Variants in PARP4 observed in about 807,000 individuals in gnomAD.
PARP4 encodes poly(ADP-ribose) polymerase family member 4.
Under a neutral mutation model 187.7 loss-of-function variants are expected in PARP4, and 120 were observed. That is an observed-to-expected ratio of 0.64 (90% CI 0.55 to 0.74). The LOEUF is 0.74. Among genes scored for constraint, PARP4 ranks in the 30% least tolerant of loss-of-function variants. The pLI is 0.00. For synonymous variants in PARP4, 654 were observed against 740.9 expected, an observed-to-expected ratio of 0.88 and a Z score of 1.90; for missense variants, 1,836 against 2,070.5, an observed-to-expected ratio of 0.89 and a Z score of 2.20.
At position 24,459,088 on chromosome 13, in the gene PARP4, C is replaced by T. The variant is rs748770888; in HGVS notation, c.2380G>A (p.Val794Met). 8.7e-6 allele frequency: 14 copies of T among 1,611,176 alleles called. No homozygotes were observed. Among genetic ancestry groups the T allele is most frequent in the South Asian group, 3.3e-5 (3 of 90,820 alleles). ...SLTMSIEMPY[V>M]IEFIFSDTHE... Reference sequence around the variant, plus strand: ...GTATCACTGAAAATGAATTCAATCACATACGGCATCTCAATAGACATAGTC... The same window carrying T: ...GTATCACTGAAAATGAATTCAATCATATACGGCATCTCAATAGACATAGTC... The change falls in exon 20 of 34, where the codon GTG becomes ATG. Residue 794 changes from valine to methionine, a missense_variant. Val to Met is a conservative substitution (Grantham distance 21). This residue lies in a region of PARP4 where 1,147 missense variants were observed against 1,214.2 expected (regional missense o/e 0.94). Transcript: ENST00000381989.
At chr13:24,452,126 T>G (rs1157682844) in intron 24 of PARP4, 3 of 331,982 alleles carry the variant, frequency 9.0e-6, no homozygotes, top group African/African-American at 6.4e-5. Context: ...ATGAGCTCAT[T>G]TATTCCTCAG....
At position 24,500,056 on chromosome 13, in the gene PARP4, TAA is replaced by T. The variant is rs370389346; in HGVS notation, c.401+258_401+259del. Among the ~76,000 whole-genome samples the T allele has an allele frequency of 1.3e-3, 195 of 148,522 alleles. 3 individuals are homozygous for T. The East Asian group carries it at 0.021, about 16-fold the overall frequency. On this transcript the variant is annotated intron_variant, in intron 4 of 33. Coordinates refer to ENST00000381989, the MANE Select transcript of PARP4 (RefSeq NM_006437.4). ...AAAATAGGTTTTTTTTTAAAAGAAT[TAA>T]AAAAAAAACCCACTGGTTTTCTTTT...
chr13:24,429,778 C>A (rs4769354), intron 32 of PARP4, among the ~76,000 whole-genome samples: 142,672 of 152,256 alleles, frequency 0.94, 66,985 homozygotes, highest in East Asian at 0.99. Context: ...CAAGGATCTG[C>A]GGGGTATCTG....
Position 24,463,931 on chromosome 13 carries a change from T to A in PARP4, c.2134-3795A>T, listed in dbSNP as rs1387869912. Among the ~76,000 whole-genome samples, 4 of 152,162 alleles carry A rather than the reference T, an allele frequency of 2.6e-5. No individual in the cohort carries two copies. The South Asian group carries it at 8.3e-4, about 32-fold the overall frequency. ...TCAGCCCAAAAGCCTCTTAAGCTGA[T>A]AAGCAACTTCAGCAAAATCTCAGGA... On this transcript the variant is annotated intron_variant, in intron 17 of 33. Transcript: ENST00000381989.
At chr13:24,461,657 G>A (rs996099372) in intron 17 of PARP4, among the ~76,000 whole-genome samples, 21 of 152,182 alleles carry the variant, frequency 1.4e-4, no homozygotes, top group African/African-American at 5.1e-4. Flanking sequence ...TGGAAAGGCT[G>A]AGCAGGGCAG....
intron 9 of PARP4, 50 bp from the exon 10 acceptor site, chr13:24,490,878 TAA>T: frequency 7.0e-7 from 1 of 1,420,994 alleles, no homozygotes; most frequent in Non-Finnish European, 9.8e-7. Context: ...ATATCAAAAT[TAA>T]TATTTATATC....
intron 25 of PARP4, among the ~76,000 whole-genome samples, chr13:24,447,429 T>C (rs1163106622): frequency 6.6e-6 from 1 of 152,240 alleles, no homozygotes; most frequent in Non-Finnish European, 1.5e-5. Context: ...GGCACAATCT[T>C]GGCTGACTGC....
At position 24,449,835 on chromosome 13, in the gene PARP4, G is replaced by A. The variant is rs1338327968; in HGVS notation, c.3015-18C>T. 7 of 1,469,312 alleles carry A rather than the reference G, an allele frequency of 4.8e-6. No individual in the cohort carries two copies. The highest frequency in any genetic ancestry group is 6.6e-6 in the Non-Finnish European group (7 of 1,054,816). 91.0% of individuals were successfully genotyped at this position (1,469,312 alleles called of 1,614,324 possible). A position where few individuals can be genotyped will look rare whatever the true frequency, so the allele number is the denominator to read the frequency against. The stretch of plus-strand genomic sequence containing the variant: ...CTGTAGAACTGATCACATTTCACAT[G>A]TTTTAATTTTGAAGACATTAGAAAT... On this transcript the variant is annotated intron_variant, in intron 24 of 33. Coordinates refer to ENST00000381989, the MANE Select transcript of PARP4 (RefSeq NM_006437.4).
chr13:24,471,522 C>T (rs1872728937), intron 15 of PARP4, among the ~76,000 whole-genome samples: 1 of 152,178 alleles, frequency 6.6e-6, no homozygotes, highest in Non-Finnish European at 1.5e-5. Context: ...TTAGATAAAA[C>T]CATGATGTAA....
At chr13:24,438,845 T>C (rs1017772081) in intron 30 of PARP4, among the ~76,000 whole-genome samples, 9 of 152,206 alleles carry the variant, frequency 5.9e-5, no homozygotes, top group African/African-American at 2.2e-4. Flanking sequence ...CCGGGCTCTA[T>C]TGCGGCTGGC....
chr13:24,503,552 T>C (rs2137547137), intron 2 of PARP4, 93 bp downstream of exon 2: 1 of 1,430,404 alleles, frequency 7.0e-7, no homozygotes, highest in Non-Finnish European at 9.8e-7. Context: ...CACTCTCTCC[T>C]GCTGCTAATC....
chr13:24,505,731 T>G (rs1264280535), intron 1 of PARP4, among the ~76,000 whole-genome samples: 5 of 152,240 alleles, frequency 3.3e-5, no homozygotes, highest in African/African-American at 4.8e-5. Flanking sequence ...GGTTTCGCTA[T>G]GTTGCCCAGA....
chr13:24,479,604 T>C (rs1056143930), intron 12 of PARP4, among the ~76,000 whole-genome samples: 2 of 152,010 alleles, frequency 1.3e-5, no homozygotes, highest in African/African-American at 4.8e-5. Flanking sequence ...GGACACTCTG[T>C]GTCTAGCTAA....
At chr13:24,423,565 AAAAAG>A (rs1869864341) in intron 33 of PARP4, among the ~76,000 whole-genome samples, 1 of 151,886 alleles carries the variant, frequency 6.6e-6, no homozygotes, top group African/African-American at 2.4e-5. Flanking sequence ...CAAAACAAAA[AAAAAG>A]AAAACTCCCA....
intron 1 of PARP4, among the ~76,000 whole-genome samples, chr13:24,505,678 G>A (rs375668748): frequency 8.5e-5 from 13 of 152,156 alleles, no homozygotes; most frequent in African/African-American, 2.9e-4. Context: ...ACAGGCCCGC[G>A]CCACCACGCC....
rs370122963 is a variant in PARP4 at position 24,435,001 on chromosome 13, C to T, written c.4140G>A (p.Ser1380=). The change falls in exon 31 of 34, where the codon TCG becomes TCA. Residue 1380 remains serine, a synonymous_variant. Coordinates refer to ENST00000381989, the MANE Select transcript of PARP4 (RefSeq NM_006437.4). ...GGGGAGGTCCTGTGGGACAAGACGC[C>T]GACTGTGGGATCCAGTCAGCACAAG... ...PGTCADWIPQ[S]ASCPTGPPQN... The T allele has an allele frequency of 2.4e-5, 39 of 1,613,754 alleles. No homozygotes were observed. Among genetic ancestry groups the T allele is most frequent in the Admixed American group, 2.3e-4 (14 of 60,000 alleles).
At chr13:24,508,865 ATCAG>A (rs1869852238) in intron 1 of PARP4, among the ~76,000 whole-genome samples, 1 of 152,234 alleles carries the variant, frequency 6.6e-6, no homozygotes, top group African/African-American at 2.4e-5. Flanking sequence ...TCCCGCTGTT[ATCAG>A]TCAGCATCTT....
chr13:24,425,357 G>A (rs1050095475), intron 33 of PARP4, among the ~76,000 whole-genome samples: 8 of 152,282 alleles, frequency 5.3e-5, no homozygotes, highest in Admixed American at 2.6e-4. Flanking sequence ...TATTTACACA[G>A]TTCCAAAGTC....
At chr13:24,444,977 C>A (rs1871137750) in intron 27 of PARP4, among the ~76,000 whole-genome samples, 1 of 152,182 alleles carries the variant, frequency 6.6e-6, no homozygotes, top group African/African-American at 2.4e-5. Flanking sequence ...TCTCTCAGGG[C>A]TGCTGCCTGC....
Sources: allele counts gnomAD v4.1 joint callset (sites outside exome capture counted in the v4.1 genomes callset), GRCh38; gene constraint gnomAD v4.1.1; regional missense constraint gnomAD v4.1.1; transcripts MANE v1.5; gene names NCBI Gene and HGNC (gene_info 2026-07-23, HGNC 2026-07-21).